Variants in KCNK2 observed in about 807,000 individuals in gnomAD.
KCNK2 encodes the protein potassium channel subfamily K member 2.
A neutral mutation model predicts 40.5 loss-of-function variants in KCNK2; 21 were observed. That is an observed-to-expected ratio of 0.52 (90% CI 0.37 to 0.75). KCNK2 has a LOEUF of 0.75. KCNK2 is among the 30% of genes least tolerant of loss of function. KCNK2 has a pLI of 0.00. For synonymous variants in KCNK2, 191 were observed against 202.2 expected (o/e 0.94, Z 0.47); for missense variants, 399 against 531.6 (o/e 0.75, Z 2.45).
chr1:215,040,295 C>A (rs567420919), intron 1 of KCNK2, among the ~76,000 whole-genome samples: 1 of 152,180 alleles, frequency 6.6e-6, no homozygotes, highest in East Asian at 1.9e-4. Flanking sequence ...GTCCATAAGA[C>A]AAATAATACT....
At chr1:215,187,952 A>C (rs1664516939) in intron 5 of KCNK2, among the ~76,000 whole-genome samples, 1 of 152,130 alleles carries the variant, frequency 6.6e-6, no homozygotes, top group South Asian at 2.1e-4. Context: ...TGAAAAAACC[A>C]GAGAAGAATT....
At chr1:215,079,897 G>C (rs1659086972), upstream of KCNK2, among the ~76,000 whole-genome samples, 1 of 152,178 alleles carries the variant, frequency 6.6e-6, no homozygotes, top group Non-Finnish European at 1.5e-5. Flanking sequence ...TTGTGAGGCT[G>C]AGCATTTGGC....
chr1:215,122,506 G>A (rs1029434165), intron 2 of KCNK2, among the ~76,000 whole-genome samples: 2 of 151,994 alleles, frequency 1.3e-5, no homozygotes, highest in Non-Finnish European at 2.9e-5. Context: ...GTGTGTATAT[G>A]TATATACTTC....
intron 1 of KCNK2, among the ~76,000 whole-genome samples, chr1:215,030,071 T>C (rs1005833896): frequency 7.2e-5 from 11 of 152,226 alleles, no homozygotes; most frequent in Admixed American, 6.5e-4. Flanking sequence ...TGCCAGCATT[T>C]GGTGCTCTCA....
At chr1:215,139,635 T>A (rs1443706361) in intron 3 of KCNK2, among the ~76,000 whole-genome samples, 1 of 152,034 alleles carries the variant, frequency 6.6e-6, no homozygotes, top group Non-Finnish European at 1.5e-5. Flanking sequence ...AATACAAAAT[T>A]AGCTGGACTT....
At chr1:215,139,367 C>A (rs886351204) in intron 3 of KCNK2, among the ~76,000 whole-genome samples, 5 of 152,328 alleles carry the variant, frequency 3.3e-5, no homozygotes, top group Admixed American at 1.3e-4. Context: ...TTTAAAAAAT[C>A]ATTCGTTGAA....
At chr1:215,099,339 C>T (rs555843268) in intron 2 of KCNK2, among the ~76,000 whole-genome samples, 11 of 151,926 alleles carry the variant, frequency 7.2e-5, no homozygotes, top group African/African-American at 2.4e-4. Context: ...GAAAAGGACA[C>T]GATCTCATTC....
At chr1:215,213,271 A>T (rs574475744) in intron 6 of KCNK2, among the ~76,000 whole-genome samples, 1 of 152,300 alleles carries the variant, frequency 6.6e-6, no homozygotes, top group South Asian at 2.1e-4. Context: ...TTGCCAACTA[A>T]AAGCACTCTT....
intron 3 of KCNK2, among the ~76,000 whole-genome samples, chr1:215,135,506 CTAA>C (rs1558107099): frequency 6.6e-6 from 1 of 151,354 alleles, no homozygotes; most frequent in Non-Finnish European, 1.5e-5. Flanking sequence ...ATTTCTGCCA[CTAA>C]TATTTAAAAA....
At chr1:215,205,129 C>T (rs1289219400) in intron 6 of KCNK2, among the ~76,000 whole-genome samples, 1 of 152,206 alleles carries the variant, frequency 6.6e-6, no homozygotes, top group Non-Finnish European at 1.5e-5. Context: ...TCATTTGACT[C>T]TCTTTCCAGA....
At chr1:215,190,414 T>C (rs115439261) in intron 5 of KCNK2, among the ~76,000 whole-genome samples, 1 of 152,142 alleles carries the variant, frequency 6.6e-6, no homozygotes, top group African/African-American at 2.4e-5. Context: ...GGATAAATGA[T>C]AAGAAGGACA....
At chr1:215,196,576 A>G (rs1470862230) in intron 6 of KCNK2, among the ~76,000 whole-genome samples, 1 of 152,198 alleles carries the variant, frequency 6.6e-6, no homozygotes, top group Non-Finnish European at 1.5e-5. Context: ...AGTCAGTAAG[A>G]CAATATGCTT....
At chr1:215,146,922 G>A (rs1662442037) in intron 3 of KCNK2, among the ~76,000 whole-genome samples, 1 of 152,130 alleles carries the variant, frequency 6.6e-6, no homozygotes. Flanking sequence ...GGATCAGCAT[G>A]GTATCTGATA....
chr1:215,111,806 A>T (rs1232386305), intron 2 of KCNK2, among the ~76,000 whole-genome samples: 1 of 151,406 alleles, frequency 6.6e-6, no homozygotes, highest in African/African-American at 2.4e-5. Context: ...GTGCCTTGTA[A>T]CTTTTATGAT....
At chr1:215,097,028 C>T (rs954662842) in intron 2 of KCNK2, among the ~76,000 whole-genome samples, 2 of 151,848 alleles carry the variant, frequency 1.3e-5, no homozygotes, top group Non-Finnish European at 2.9e-5. Flanking sequence ...TTCAGTCCTG[C>T]TTCCACATGA....
chr1:215,086,752 G>A, intron 2 of KCNK2, 74 bp downstream of exon 2: 1 of 1,378,282 alleles, frequency 7.3e-7, no homozygotes, highest in Non-Finnish European at 1.0e-6. Context: ...ACAACTTGTA[G>A]CCCAGTGTAT....
At chr1:215,205,474 C>T (rs1558138048) in intron 6 of KCNK2, among the ~76,000 whole-genome samples, 1 of 152,112 alleles carries the variant, frequency 6.6e-6, no homozygotes, top group Non-Finnish European at 1.5e-5. Context: ...CCCACCTGAC[C>T]TCAGGTGATC....
Position 215,236,913 on chromosome 1 carries a change from G to A in KCNK2, c.*1768G>A, listed in dbSNP as rs944656231. 6.6e-6 allele frequency: 1 copy of A among 152,266 alleles called. No homozygotes were observed. Among genetic ancestry groups the A allele is most frequent in the African/African-American group, 2.4e-5 (1 of 41,360 alleles). The allele number at this position is 152,266 out of a possible 1,614,324, so 9.4% of individuals were successfully genotyped here. A position where few individuals can be genotyped will look rare whatever the true frequency, so the allele number is the denominator to read the frequency against. On this transcript the variant is annotated 3_prime_UTR_variant, in exon 7 of 7. Transcript: ENST00000444842. The stretch of plus-strand genomic sequence containing the variant: ...AGAAATGTAAATATTCAATTAATTT[G>A]TTAAAAGTACTTTTATAAAGTTAAA...
At chr1:215,208,668 T>A (rs926940144) in intron 6 of KCNK2, among the ~76,000 whole-genome samples, 6 of 152,210 alleles carry the variant, frequency 3.9e-5, no homozygotes, top group African/African-American at 1.2e-4. Flanking sequence ...GCCCTAAAGC[T>A]AGGTAGAAAA....
Sources: gnomAD v4.1 joint callset for allele counts (sites outside exome capture counted in the v4.1 genomes callset) on GRCh38, gnomAD v4.1.1 for gene constraint, MANE v1.5 for transcripts, NCBI Gene and HGNC (gene_info 2026-07-23, HGNC 2026-07-21) for gene names.